Variants in KIRREL3 observed in about 807,000 individuals in gnomAD.
KIRREL3 encodes the protein kin of IRRE-like protein 3.
In KIRREL3, 36 loss-of-function variants were observed where a neutral mutation model predicts 89.7. That is an observed-to-expected ratio of 0.40 (90% CI 0.31 to 0.53). The LOEUF (loss-of-function observed/expected upper bound fraction) is 0.53, where lower values mean the gene tolerates loss of function less well. Ranked by LOEUF, KIRREL3 falls within the 20% of genes least tolerant of loss-of-function variation. The pLI is 0.49. For missense variants in KIRREL3, 864 were observed against 1,056.6 expected, an observed-to-expected ratio of 0.82 and a Z score of 2.53; for synonymous variants, 445 against 441.4, an observed-to-expected ratio of 1.01 and a Z score of -0.10.
chr11:126,482,966 C>A (rs1957261772), intron 4 of KIRREL3, among the ~76,000 whole-genome samples: 1 of 152,222 alleles, frequency 6.6e-6, no homozygotes, highest in South Asian at 2.1e-4. Flanking sequence ...ACACAATACT[C>A]CAAGATATCG....
chr11:126,922,121 G>GTCTGTCTGTCTATCTACCTA, intron 1 of KIRREL3, among the ~76,000 whole-genome samples: 1 of 140,082 alleles, frequency 7.1e-6, no homozygotes, highest in East Asian at 2.2e-4. Context: ...CTATCTGTCT[G>GTCTGTCTGTCTATCTACCTA]TCTATCTATC....
At chr11:126,923,165 T>TCTTCTTCTTC in intron 1 of KIRREL3, among the ~76,000 whole-genome samples, 1 of 24,520 alleles carries the variant, frequency 4.1e-5, no homozygotes, top group East Asian at 5.1e-4. Context: ...CTTCTTCTTC[T>TCTTCTTCTTC]TCTTCTTCTT....
At chr11:126,440,776 C>G (rs557914843) in intron 10 of KIRREL3, 291 of 596,120 alleles carry the variant, frequency 4.9e-4, no homozygotes, top group Non-Finnish European at 7.8e-4. Flanking sequence ...GTCAGAACCC[C>G]CAGAAGATAC....
chr11:126,972,027 A>G (rs1949436393), intron 1 of KIRREL3, among the ~76,000 whole-genome samples: 1 of 152,166 alleles, frequency 6.6e-6, no homozygotes, highest in South Asian at 2.1e-4. Context: ...AGCTCATCTG[A>G]TTTCTCTTGT....
Position 126,807,068 on chromosome 11 carries a change from G to T in KIRREL3, c.55+193387C>A, listed in dbSNP as rs564787857. 3.9e-4 allele frequency among the ~76,000 whole-genome samples: 59 copies of T among 152,148 alleles called. 1 individual carries two copies. Among genetic ancestry groups the T allele is most frequent in the African/African-American group, 1.2e-3 (50 of 41,520 alleles). On this transcript the variant is annotated intron_variant, in intron 1 of 16. Transcript: ENST00000525144. This position sits in a 1 kb window ranked among gnomAD's most constrained non-coding sequence, Gnocchi z 4.3. ...TGGCACATATGTGCCACATGACCAC[G>T]CTGTACTCTTCAAAGGGGATGAAAC...
chr11:126,700,645 G>A (rs1055531214), intron 1 of KIRREL3, among the ~76,000 whole-genome samples: 2 of 152,220 alleles, frequency 1.3e-5, no homozygotes, highest in Non-Finnish European at 1.5e-5. Flanking sequence ...ATTCTTAGAA[G>A]GCTGGGGAGT....
intron 9 of KIRREL3, among the ~76,000 whole-genome samples, chr11:126,446,478 C>T (rs1233368036): frequency 6.6e-6 from 1 of 152,112 alleles, no homozygotes; most frequent in Non-Finnish European, 1.5e-5. Context: ...CTTGAAAAGC[C>T]TTTCTAGTGC....
rs1344405230 is a variant in KIRREL3 at position 126,669,789 on chromosome 11, T to C, written c.56-106877A>G. 6.6e-6 allele frequency among the ~76,000 whole-genome samples: 1 copy of C among 152,238 alleles called. No homozygotes were observed. Among genetic ancestry groups the C allele is most frequent in the East Asian group, 1.9e-4 (1 of 5,206 alleles). ...ATTTTTTAAATTATAAATCCAGTCT[T>C]GACCTATCCCTTGGGCTAAAGATTT... On this transcript the variant is annotated intron_variant, in intron 1 of 16. Coordinates refer to ENST00000525144, the MANE Select transcript of KIRREL3 (RefSeq NM_032531.4). The surrounding 1 kb of genome is among the most constrained non-coding windows in gnomAD (Gnocchi z 5.0).
At chr11:126,671,393 C>T (rs1945941391) in intron 1 of KIRREL3, among the ~76,000 whole-genome samples, 1 of 151,968 alleles carries the variant, frequency 6.6e-6, no homozygotes, top group African/African-American at 2.4e-5. Flanking sequence ...GATATTACAC[C>T]AAATGCATGA....
At chr11:126,529,035 G>A (rs903546468) in intron 2 of KIRREL3, among the ~76,000 whole-genome samples, 1 of 152,236 alleles carries the variant, frequency 6.6e-6, no homozygotes, top group Non-Finnish European at 1.5e-5. Context: ...TGGACGTGGA[G>A]GGGGTTATAA....
chr11:126,896,445 C>T lies in KIRREL3; in HGVS notation c.55+104010G>A, dbSNP rs527471158. On this transcript the variant is annotated intron_variant, in intron 1 of 16. Coordinates refer to ENST00000525144, the MANE Select transcript of KIRREL3 (RefSeq NM_032531.4). The surrounding 1 kb of genome is among the most constrained non-coding windows in gnomAD (Gnocchi z 4.1). Reference sequence around the variant, plus strand: ...GTATGCCTGTTGAGATGCCCATGCCCTTTCCAGAGCTACAGACAGGCATGC... The same window carrying T: ...GTATGCCTGTTGAGATGCCCATGCCTTTTCCAGAGCTACAGACAGGCATGC... Among the ~76,000 whole-genome samples, 2 of 152,338 alleles carry T rather than the reference C, an allele frequency of 1.3e-5. No individual in the cohort carries two copies. The highest frequency in any genetic ancestry group is 4.8e-5 in the African/African-American group (2 of 41,582).
intron 1 of KIRREL3, among the ~76,000 whole-genome samples, chr11:126,588,574 C>G (rs979616782): frequency 3.3e-5 from 5 of 152,158 alleles, no homozygotes; most frequent in African/African-American, 1.2e-4. Context: ...GAGTCCTAAG[C>G]CTTGCACGCG....
Position 126,566,402 on chromosome 11 carries a change from C to T in KIRREL3, c.56-3490G>A, listed in dbSNP as rs538373481. 1.4e-4 allele frequency among the ~76,000 whole-genome samples: 21 copies of T among 152,276 alleles called. No homozygotes were observed. In the South Asian group the frequency reaches 3.1e-3, roughly 23 times the overall value. On this transcript the variant is annotated intron_variant, in intron 1 of 16. Coordinates refer to ENST00000525144, the MANE Select transcript of KIRREL3 (RefSeq NM_032531.4). The surrounding 1 kb of genome is among the most constrained non-coding windows in gnomAD (Gnocchi z 4.9). Reference sequence around the variant, plus strand: ...ACTGTGCCTTCTCCTGCTCTGAGCCCGTAGGACCAAGCACAGTGCCTGACA... The same window carrying T: ...ACTGTGCCTTCTCCTGCTCTGAGCCTGTAGGACCAAGCACAGTGCCTGACA...
At position 126,870,823 on chromosome 11, in the gene KIRREL3, TC is replaced by T. The variant is rs1945082906; in HGVS notation, c.55+129631del. Among the ~76,000 whole-genome samples the T allele has an allele frequency of 2.0e-5, 3 of 152,108 alleles. No homozygotes were observed. Among genetic ancestry groups the T allele is most frequent in the African/African-American group, 7.2e-5 (3 of 41,504 alleles). On this transcript the variant is annotated intron_variant, in intron 1 of 16. Coordinates refer to ENST00000525144, the MANE Select transcript of KIRREL3 (RefSeq NM_032531.4). The surrounding 1 kb of genome is among the most constrained non-coding windows in gnomAD (Gnocchi z 4.4). ...TCCAGTGTAGTTCCTGCACTGCCCC[TC>T]CCCACTTCCAGTGTAGATCTGGGCC...
rs1565416075 is a variant in KIRREL3, at chr11:126,918,320, A to T, written c.55+82135T>A. On this transcript the variant is annotated intron_variant, in intron 1 of 16. Transcript: ENST00000525144. The surrounding 1 kb of genome is among the most constrained non-coding windows in gnomAD (Gnocchi z 6.5). ...AAACATGATTTAATAGTAGATGAGA[A>T]GACTTTGCCACACCATGGTACCTCC... is the stretch of plus-strand genomic sequence containing the variant. Among the ~76,000 whole-genome samples, 1 of 152,206 alleles carries T rather than the reference A, an allele frequency of 6.6e-6. No individual in the cohort carries two copies. The highest frequency in any genetic ancestry group is 1.5e-5 in the Non-Finnish European group (1 of 68,038).
At chr11:126,922,253 C>T (rs1390309906) in intron 1 of KIRREL3, among the ~76,000 whole-genome samples, 1 of 151,988 alleles carries the variant, frequency 6.6e-6, no homozygotes, top group Non-Finnish European at 1.5e-5. Flanking sequence ...TCTCCCTCCT[C>T]AACTGGCCCC....
rs1949213924 is a variant in KIRREL3, at chr11:126,748,107, G to A, written c.56-185195C>T. 6.6e-6 allele frequency among the ~76,000 whole-genome samples: 1 copy of A among 152,260 alleles called. No homozygotes were observed. Among genetic ancestry groups the A allele is most frequent in the South Asian group, 2.1e-4 (1 of 4,826 alleles). ...TCACCTTTTAAGGTGAAAATGGCCAGTCACTGAAAAGCTGAATTGTTTTTA... is the reference window on the plus strand; with the variant it reads ...TCACCTTTTAAGGTGAAAATGGCCAATCACTGAAAAGCTGAATTGTTTTTA... On this transcript the variant is annotated intron_variant, in intron 1 of 16. Transcript: ENST00000525144. This position sits in a 1 kb window ranked among gnomAD's most constrained non-coding sequence, Gnocchi z 4.6.
In KIRREL3 at chr11:126,606,553, A is replaced by T. The variant is rs1452004431; in HGVS notation, c.56-43641T>A. Among the ~76,000 whole-genome samples, 1 of 152,124 alleles carries T rather than the reference A, an allele frequency of 6.6e-6. No homozygotes were observed. The highest frequency in any genetic ancestry group is 1.9e-4 in the East Asian group (1 of 5,180). On this transcript the variant is annotated intron_variant, in intron 1 of 16. Coordinates refer to ENST00000525144, the MANE Select transcript of KIRREL3 (RefSeq NM_032531.4). The surrounding 1 kb of genome is among the most constrained non-coding windows in gnomAD (Gnocchi z 4.6). ...ACTGCCTTCCACATTTCCCCACCTTAGGGTGGTCTCCAGACCACATCCCAG... is the reference window on the plus strand; with the variant it reads ...ACTGCCTTCCACATTTCCCCACCTTTGGGTGGTCTCCAGACCACATCCCAG...
chr11:126,474,195 C>T lies in KIRREL3; in HGVS notation c.434-729G>A, dbSNP rs1044294783. 2.1e-4 allele frequency among the ~76,000 whole-genome samples: 32 copies of T among 152,270 alleles called. No homozygotes were observed. The highest frequency in any genetic ancestry group is 1.1e-3 in the Admixed American group (17 of 15,290). On this transcript the variant is annotated intron_variant, in intron 4 of 16. Transcript: ENST00000525144. The surrounding 1 kb of genome is among the most constrained non-coding windows in gnomAD (Gnocchi z 6.7). ...AACTCCTGACCTCAGGTAATCCACC[C>T]GCCTCAGGCTCCCAAAGTGCTGGGA...
Sources: gnomAD v4.1 joint callset for allele counts (sites outside exome capture counted in the v4.1 genomes callset) on GRCh38, gnomAD v4.1.1 for gene constraint, Gnocchi (gnomAD v3.1) non-coding constraint, MANE v1.5 for transcripts, NCBI Gene and HGNC (gene_info 2026-07-23, HGNC 2026-07-21) for gene names.